Variants in PDE11A observed in about 807,000 individuals in gnomAD.
The protein encoded by PDE11A is dual 3',5'-cyclic-AMP and -GMP phosphodiesterase 11A.
Under a neutral mutation model 100.5 loss-of-function variants are expected in PDE11A, and 100 were observed. The ratio of observed to expected loss-of-function variants is 1.00; its 90% CI spans 0.85 to 1.18. The LOEUF is 1.18. Among genes scored for constraint, PDE11A ranks in the 50% most tolerant of loss-of-function variants. PDE11A has a pLI of 0.00. For synonymous variants in PDE11A, 381 were observed against 420.8 expected, an observed-to-expected ratio of 0.91 and a Z score of 1.16; for missense variants, 1,141 against 1,152.6, an observed-to-expected ratio of 0.99 and a Z score of 0.15.
Position 177,626,199 on chromosome 2 carries a change from C to T in PDE11A, c.*3208G>A, listed in dbSNP as rs898352902. ...GGTTTATGCTATAAATTATGTTCCC[C>T]TTAGCAATATGTAGCATCAATGTTC... On this transcript the variant is annotated 3_prime_UTR_variant, in exon 20 of 20. Transcript: ENST00000286063. The T allele has an allele frequency of 1.3e-5, 2 of 152,638 alleles. No homozygotes were observed. 9.5% of individuals were successfully genotyped at this position (152,638 alleles called of 1,614,324 possible).
chr2:177,990,677 G>T (rs2085991245), intron 2 of PDE11A, among the ~76,000 whole-genome samples: 1 of 151,610 alleles, frequency 6.6e-6, no homozygotes, highest in Non-Finnish European at 1.5e-5. Flanking sequence ...AGTAGAGGTT[G>T]CAGTGAGCTG....
intron 9 of PDE11A, among the ~76,000 whole-genome samples, chr2:177,786,194 C>T (rs1357790991): frequency 6.6e-6 from 1 of 152,188 alleles, no homozygotes; most frequent in Non-Finnish European, 1.5e-5. Context: ...GACAAAACTT[C>T]CAGAGGAATG....
chr2:177,771,303 T>G (rs2082307563), intron 9 of PDE11A, among the ~76,000 whole-genome samples: 1 of 152,250 alleles, frequency 6.6e-6, no homozygotes, highest in African/African-American at 2.4e-5. Flanking sequence ...GAACTCCCTT[T>G]TAGGTAACAT....
In PDE11A at chr2:177,628,130, G is replaced by C. The variant is rs2079863507; in HGVS notation, c.*1277C>G. 1 of 152,568 alleles carries C rather than the reference G, an allele frequency of 6.6e-6. No individual in the cohort carries two copies. The highest frequency in any genetic ancestry group is 2.4e-5 in the African/African-American group (1 of 41,422). 9.5% of individuals were successfully genotyped at this position (152,568 alleles called of 1,614,324 possible). A position where few individuals can be genotyped will look rare whatever the true frequency, so the allele number is the denominator to read the frequency against. ...ATTTATTTGAACAAAGAGTTGTAAG[G>C]TTAAAACATGTTCGAGAATCGTTTC... is the stretch of plus-strand genomic sequence containing the variant. On this transcript the variant is annotated 3_prime_UTR_variant, in exon 20 of 20. Transcript: ENST00000286063.
intron 19 of PDE11A, among the ~76,000 whole-genome samples, chr2:177,631,946 T>C (rs1271815768): frequency 6.6e-6 from 1 of 152,048 alleles, no homozygotes; most frequent in African/African-American, 2.4e-5. Context: ...GTCCCCCACA[T>C]GTTAGGATCA....
chr2:177,828,062 G>T (rs2105599082), intron 6 of PDE11A, among the ~76,000 whole-genome samples: 1 of 152,108 alleles, frequency 6.6e-6, no homozygotes, highest in African/African-American at 2.4e-5. Flanking sequence ...AAATAACCTG[G>T]TAAAACATAA....
chr2:177,869,306 C>T (rs1235288947), intron 5 of PDE11A, among the ~76,000 whole-genome samples: 1 of 152,224 alleles, frequency 6.6e-6, no homozygotes, highest in Admixed American at 6.5e-5. Flanking sequence ...ATTGACAGAG[C>T]TATATTCCTC....
At chr2:178,061,132 G>T (rs2086963905) in intron 1 of PDE11A, among the ~76,000 whole-genome samples, 1 of 151,484 alleles carries the variant, frequency 6.6e-6, no homozygotes, top group African/African-American at 2.4e-5. Context: ...TTTAGTAGAG[G>T]CGAAGTTTCA....
At chr2:177,925,128 A>G (rs1378927735) in intron 2 of PDE11A, among the ~76,000 whole-genome samples, 1 of 150,316 alleles carries the variant, frequency 6.7e-6, no homozygotes, top group African/African-American at 2.4e-5. Context: ...CCAGTCTATC[A>G]TTGTTGGACA....
intron 6 of PDE11A, among the ~76,000 whole-genome samples, chr2:177,823,378 GC>G (rs1422381466): frequency 6.6e-6 from 1 of 152,156 alleles, no homozygotes; most frequent in Non-Finnish European, 1.5e-5. Context: ...GAAATCAGGA[GC>G]AGCCCAAGAC....
intron 19 of PDE11A, among the ~76,000 whole-genome samples, chr2:177,652,406 C>G (rs1015301181): frequency 2.6e-5 from 4 of 151,826 alleles, no homozygotes; most frequent in East Asian, 1.9e-4. Context: ...AGCACAGGCA[C>G]GGGGTGTGGA....
intron 2 of PDE11A, among the ~76,000 whole-genome samples, chr2:177,984,634 C>T (rs1220468906): frequency 6.6e-6 from 1 of 152,118 alleles, no homozygotes; most frequent in Non-Finnish European, 1.5e-5. Flanking sequence ...ATAAAAGCTA[C>T]ACATGTTAAG....
chr2:177,782,640 A>G (rs182291524), intron 9 of PDE11A, among the ~76,000 whole-genome samples: 1 of 152,320 alleles, frequency 6.6e-6, no homozygotes, highest in Admixed American at 6.5e-5. Flanking sequence ...TCATCACACT[A>G]AATGTGAAAT....
intron 18 of PDE11A, among the ~76,000 whole-genome samples, chr2:177,666,373 T>G (rs1346075278): frequency 1.3e-5 from 2 of 152,230 alleles, no homozygotes; most frequent in Non-Finnish European, 2.9e-5. Context: ...CACATACAGT[T>G]TTTATGTGGA....
At chr2:178,050,171 C>T (rs1047815264) in intron 1 of PDE11A, among the ~76,000 whole-genome samples, 1 of 152,180 alleles carries the variant, frequency 6.6e-6, no homozygotes, top group African/African-American at 2.4e-5. Flanking sequence ...AACGATCAGG[C>T]AGCAACATTT....
chr2:177,932,796 C>T (rs34717744), intron 2 of PDE11A, among the ~76,000 whole-genome samples: 13,057 of 150,808 alleles, frequency 0.087, 525 homozygotes, highest in South Asian at 0.1. Flanking sequence ...TTCAACATAG[C>T]ACTGGAGGTG....
Position 177,856,530 on chromosome 2 carries a change from A to C in PDE11A, c.1368-16147T>G, listed in dbSNP as rs75065545. ...TACATTCAAAATACTAAAGGAAATC[A>C]TATCTAAAGACTGAAAGGAAAATAT... On this transcript the variant is annotated intron_variant, in intron 5 of 19. Transcript: ENST00000286063. Among the ~76,000 whole-genome samples, 897 of 152,218 alleles carry C rather than the reference A, an allele frequency of 5.9e-3. 29 individuals carry two copies. The East Asian group carries it at 0.092, about 16-fold the overall frequency.
intron 5 of PDE11A, among the ~76,000 whole-genome samples, chr2:177,843,041 G>A (rs1169693971): frequency 6.6e-6 from 1 of 152,136 alleles, no homozygotes; most frequent in Admixed American, 6.5e-5. Context: ...GGTAATAAAG[G>A]GGGAAGGGAG....
intron 1 of PDE11A, among the ~76,000 whole-genome samples, chr2:178,068,520 T>TAA (rs551000937): frequency 6.8e-6 from 1 of 147,290 alleles, no homozygotes; most frequent in Non-Finnish European, 1.5e-5. Flanking sequence ...TTCTGTGTGA[T>TAA]AAAAAAAAAA....
Sources: gnomAD v4.1 joint callset for allele counts (sites outside exome capture counted in the v4.1 genomes callset) on GRCh38, gnomAD v4.1.1 for gene constraint, MANE v1.5 for transcripts, NCBI Gene and HGNC (gene_info 2026-07-23, HGNC 2026-07-21) for gene names.